The following STXBP5 variants were observed in gnomAD, a reference collection of about 807,000 sequenced individuals.
STXBP5 encodes syntaxin binding protein 5, also known as syntaxin-binding protein 5.
STXBP5 carries 50 observed loss-of-function variants against 152.4 expected under a neutral mutation model. That is an observed-to-expected ratio of 0.33 (90% CI 0.26 to 0.42). The LOEUF is 0.42. Among genes scored for constraint, STXBP5 ranks in the 10% least tolerant of loss-of-function variants. The pLI, the probability that STXBP5 is intolerant of heterozygous loss-of-function variation, is 1.00. For synonymous variants in STXBP5, 492 were observed against 494.7 expected (o/e 0.99, Z 0.07); for missense variants, 1,167 against 1,388.6 (o/e 0.84, Z 2.54).
chr6:147,243,344 A>G (rs983221072), intron 4 of STXBP5, among the ~76,000 whole-genome samples: 1 of 152,134 alleles, frequency 6.6e-6, no homozygotes, highest in South Asian at 2.1e-4. Flanking sequence ...GACACATGAT[A>G]TGGGTTATCT....
At chr6:147,213,475 T>TGCGCGCGCGCGCGCGCGCGC (rs1361174338) in intron 2 of STXBP5, among the ~76,000 whole-genome samples, 2 of 132,170 alleles carry the variant, frequency 1.5e-5, no homozygotes, top group Non-Finnish European at 3.2e-5. Flanking sequence ...TGTGTGTGTG[T>TGCGCGCGCGCGCGCGCGCGC]GTGCGCGCGC....
intron 8 of STXBP5, among the ~76,000 whole-genome samples, chr6:147,288,536 CCA>C (rs1302031000): frequency 6.6e-6 from 1 of 152,074 alleles, no homozygotes; most frequent in Non-Finnish European, 1.5e-5. Context: ...TGGTCATTCT[CCA>C]GAGTTTTAAA....
At position 147,219,330 on chromosome 6, in the gene STXBP5, G is replaced by A. The variant is rs188712826; in HGVS notation, c.248+13262G>A. 2.8e-3 allele frequency among the ~76,000 whole-genome samples: 426 copies of A among 152,232 alleles called. 1 individual carries two copies. Among genetic ancestry groups the A allele is most frequent in the African/African-American group, 8.9e-3 (370 of 41,536 alleles). Reference sequence around the variant, plus strand: ...TGTTGAATTCAGTTTGGTAAAAATTGTATTGAGAATTTTTGCATCCATCTT... The same window carrying A: ...TGTTGAATTCAGTTTGGTAAAAATTATATTGAGAATTTTTGCATCCATCTT... On this transcript the variant is annotated intron_variant, in intron 2 of 27. Coordinates refer to ENST00000321680, the MANE Select transcript of STXBP5 (RefSeq NM_001127715.4).
chr6:147,257,458 T>C (rs1779425497), intron 4 of STXBP5, among the ~76,000 whole-genome samples: 1 of 151,996 alleles, frequency 6.6e-6, no homozygotes, highest in African/African-American at 2.4e-5. Context: ...AGTACAATTT[T>C]ATGTTCTACT....
intron 4 of STXBP5, among the ~76,000 whole-genome samples, chr6:147,243,460 C>A (rs1280331616): frequency 3.3e-5 from 5 of 152,052 alleles, no homozygotes; most frequent in Non-Finnish European, 5.9e-5. Context: ...TTTAATAATT[C>A]TTTGTATGTT....
chr6:147,303,454 C>T (rs923696966), intron 9 of STXBP5, among the ~76,000 whole-genome samples: 5 of 152,196 alleles, frequency 3.3e-5, no homozygotes, highest in African/African-American at 1.2e-4. Context: ...GTCAATTAAA[C>T]CTCTTTTCTT....
chr6:147,310,278 C>T, intron 10 of STXBP5, 40 bp downstream of exon 10: 2 of 1,289,602 alleles, frequency 1.6e-6, no homozygotes, highest in South Asian at 4.5e-5. Flanking sequence ...CTATAGAGAG[C>T]TGATATTAAA....
intron 23 of STXBP5, 96 bp from the exon 24 acceptor site, chr6:147,363,239 T>C: frequency 1.6e-6 from 2 of 1,256,574 alleles, no homozygotes; most frequent in Non-Finnish European, 2.2e-6. Context: ...GCGTTCAGCA[T>C]ATATTTAAGT....
chr6:147,372,457 T>TTTTTTTTTTTTTTTTTTTTTG (rs1785602945), intron 25 of STXBP5, among the ~76,000 whole-genome samples: 1 of 108,648 alleles, frequency 9.2e-6, no homozygotes, highest in Non-Finnish European at 1.8e-5. Flanking sequence ...TTTTTTTTTT[T>TTTTTTTTTTTTTTTTTTTTTG]TGAGACAGAT....
intron 26 of STXBP5, among the ~76,000 whole-genome samples, chr6:147,380,410 G>A (rs1786026109): frequency 1.4e-5 from 2 of 145,630 alleles, no homozygotes; most frequent in South Asian, 4.3e-4. Context: ...CCAAAGAATG[G>A]TCTTTTCAAT....
intron 16 of STXBP5, among the ~76,000 whole-genome samples, chr6:147,320,487 G>A (rs911862540): frequency 6.6e-6 from 1 of 151,836 alleles, no homozygotes; most frequent in Non-Finnish European, 1.5e-5. Context: ...GTAGAGAGAA[G>A]CCCAGGAGTT....
intron 21 of STXBP5, chr6:147,351,815 G>A: frequency 1.0e-6 from 1 of 984,932 alleles, no homozygotes; most frequent in South Asian, 4.7e-5. Context: ...CCTAACACTG[G>A]ATTTGTCATT....
intron 2 of STXBP5, among the ~76,000 whole-genome samples, chr6:147,223,506 G>A (rs569377736): frequency 2.0e-4 from 30 of 152,250 alleles, no homozygotes; most frequent in African/African-American, 6.7e-4. Context: ...AAGGAAATCA[G>A]AGAAGTTATT....
chr6:147,334,324 C>A, intron 19 of STXBP5, 102 bp downstream of exon 19: 2 of 1,049,274 alleles, frequency 1.9e-6, no homozygotes, highest in Non-Finnish European at 2.7e-6. Flanking sequence ...AATACATCTA[C>A]GAAAACTTTT....
intron 17 of STXBP5, 141 bp downstream of exon 17, chr6:147,325,225 T>A: frequency 1.2e-6 from 1 of 860,538 alleles, no homozygotes. Flanking sequence ...CGAAATTGAC[T>A]GTTTATTTGG....
At chr6:147,320,903 A>C (rs564738049) in intron 16 of STXBP5, among the ~76,000 whole-genome samples, 1 of 152,264 alleles carries the variant, frequency 6.6e-6, no homozygotes, top group South Asian at 2.1e-4. Context: ...TAGGGATTGC[A>C]TGATAACTAT....
intron 4 of STXBP5, among the ~76,000 whole-genome samples, chr6:147,259,745 GA>G (rs1027231794): frequency 4.0e-5 from 6 of 149,718 alleles, no homozygotes; most frequent in Non-Finnish European, 5.9e-5. Flanking sequence ...GGGTCTGTAG[GA>G]AAAAAAATAA....
chr6:147,380,445 T>G (rs1327191070), intron 26 of STXBP5, among the ~76,000 whole-genome samples: 1 of 146,834 alleles, frequency 6.8e-6, no homozygotes, highest in Non-Finnish European at 1.5e-5. Flanking sequence ...TAACTAGATA[T>G]TCATCTGCAA....
At chr6:147,334,754 T>C (rs560063972) in intron 19 of STXBP5, among the ~76,000 whole-genome samples, 28 of 152,240 alleles carry the variant, frequency 1.8e-4, no homozygotes, top group African/African-American at 6.5e-4. Context: ...AGAATATTAA[T>C]TTTTATTATC....
Sources: allele counts gnomAD v4.1 joint callset (sites outside exome capture counted in the v4.1 genomes callset), GRCh38; gene constraint gnomAD v4.1.1; transcripts MANE v1.5; gene names NCBI Gene and HGNC (gene_info 2026-07-23, HGNC 2026-07-21).